Variants in IGFL2 observed in about 807,000 individuals in gnomAD.
IGFL2 encodes IGF like family member 2, also known as insulin growth factor-like family member 2.
In IGFL2, 7 loss-of-function variants were observed where a neutral mutation model predicts 13.9. The ratio of observed to expected loss-of-function variants is 0.51; its 90% CI spans 0.29 to 0.95. The LOEUF is 0.95. Among genes scored for constraint, IGFL2 ranks in the 40% least tolerant of loss-of-function variants. The pLI, the probability that IGFL2 is intolerant of heterozygous loss-of-function variation, is 0.08. For synonymous variants in IGFL2, 55 were observed against 55.8 expected (o/e 0.99, Z 0.07); for missense variants, 138 against 147.8 (o/e 0.93, Z 0.34).
At chr19:46,129,267 A>AT in the IGFL2 span, among the ~76,000 whole-genome samples, 1 of 126,430 alleles carries the variant, frequency 7.9e-6, no homozygotes, top group Non-Finnish European at 1.7e-5. Context: ...CTATTTTATT[A>AT]ATTTTTTTCA....
the IGFL2 span, chr19:46,136,923 A>G: frequency 8.2e-6 from 8 of 971,434 alleles, no homozygotes; most frequent in East Asian, 7.2e-5. Context: ...CTCTGGGCAC[A>G]TGAGAGAGGT....
At chr19:46,078,791 C>A in the IGFL2 span, among the ~76,000 whole-genome samples, 4 of 152,266 alleles carry the variant, frequency 2.6e-5, no homozygotes, top group Admixed American at 6.5e-5. Context: ...TGGAGAGCGG[C>A]GCCCACCTTG....
At chr19:46,127,531 G>A in the IGFL2 span, among the ~76,000 whole-genome samples, 4 of 152,254 alleles carry the variant, frequency 2.6e-5, no homozygotes, top group South Asian at 2.1e-4. Context: ...TTTAGGTCCC[G>A]GACAATTTTT....
chr19:46,129,307 T>TTTTG, the IGFL2 span, among the ~76,000 whole-genome samples: 789 of 137,052 alleles, frequency 5.8e-3, 10 homozygotes, highest in African/African-American at 0.021. Context: ...TGTTGATCTT[T>TTTTG]TGTGTGTGTG....
the IGFL2 span, among the ~76,000 whole-genome samples, chr19:46,187,828 T>C: frequency 6.6e-6 from 1 of 150,420 alleles, no homozygotes; most frequent in Non-Finnish European, 1.5e-5. Flanking sequence ...GTGTGCTACG[T>C]GCTACCTGAT....
At chr19:46,155,490 G>C (rs947081816) in intron 1 of IGFL2, among the ~76,000 whole-genome samples, 3 of 152,108 alleles carry the variant, frequency 2.0e-5, no homozygotes, top group African/African-American at 7.2e-5. Context: ...TTTATTTGCT[G>C]TATGCCCTTA....
At chr19:46,153,229 G>T (rs1253293349) in intron 1 of IGFL2, among the ~76,000 whole-genome samples, 1 of 152,186 alleles carries the variant, frequency 6.6e-6, no homozygotes, top group Non-Finnish European at 1.5e-5. Flanking sequence ...GTTTGTGAAT[G>T]ATTGGTATTA....
chr19:46,086,781 G>T, the IGFL2 span, among the ~76,000 whole-genome samples: 33 of 152,210 alleles, frequency 2.2e-4, no homozygotes, highest in South Asian at 1.0e-3. Flanking sequence ...CTCTCATGGG[G>T]AGGATTTTTT....
At chr19:46,094,927 C>T in the IGFL2 span, among the ~76,000 whole-genome samples, 2 of 152,122 alleles carry the variant, frequency 1.3e-5, no homozygotes, top group African/African-American at 2.4e-5. Context: ...TCTAGTCTAT[C>T]GTTGATGGGC....
At chr19:46,185,986 C>T in the IGFL2 span, among the ~76,000 whole-genome samples, 1 of 152,126 alleles carries the variant, frequency 6.6e-6, no homozygotes, top group Non-Finnish European at 1.5e-5. Context: ...GCCCGGCCTC[C>T]GTCCCATCTG....
chr19:46,109,478 C>T, the IGFL2 span, among the ~76,000 whole-genome samples: 1 of 152,010 alleles, frequency 6.6e-6, no homozygotes, highest in African/African-American at 2.4e-5. Flanking sequence ...CCACACCCAG[C>T]TAATTTTTTT....
At chr19:46,084,153 G>C in the IGFL2 span, among the ~76,000 whole-genome samples, 1 of 152,220 alleles carries the variant, frequency 6.6e-6, no homozygotes, top group Non-Finnish European at 1.5e-5. Context: ...AGTTAGAAAA[G>C]ATACTTGATA....
At chr19:46,081,302 A>C in the IGFL2 span, among the ~76,000 whole-genome samples, 1 of 152,228 alleles carries the variant, frequency 6.6e-6, no homozygotes, top group Non-Finnish European at 1.5e-5. Flanking sequence ...TTTTAGACTT[A>C]CAAAGAAGTT....
the IGFL2 span, among the ~76,000 whole-genome samples, chr19:46,175,094 A>C: frequency 6.6e-6 from 1 of 152,222 alleles, no homozygotes; most frequent in African/African-American, 2.4e-5. Context: ...CTTGGTCTAT[A>C]TATTCCTCCC....
chr19:46,156,349 G>A (rs1024747959), intron 1 of IGFL2, among the ~76,000 whole-genome samples: 1 of 151,988 alleles, frequency 6.6e-6, no homozygotes, highest in Non-Finnish European at 1.5e-5. Flanking sequence ...TTTAATTCTA[G>A]GTATTTGTTA....
the IGFL2 span, among the ~76,000 whole-genome samples, chr19:46,121,565 CAA>C: frequency 1.3e-5 from 2 of 150,036 alleles, no homozygotes; most frequent in African/African-American, 2.5e-5. Flanking sequence ...AATTATGAGA[CAA>C]AGACAAGAAG....
chr19:46,172,406 G>A, the IGFL2 span, among the ~76,000 whole-genome samples: 2 of 152,194 alleles, frequency 1.3e-5, no homozygotes, highest in Non-Finnish European at 1.5e-5. Flanking sequence ...TCATGAAGAC[G>A]TGAGTAACTT....
At chr19:46,176,441 CAG>C in the IGFL2 span, among the ~76,000 whole-genome samples, 6 of 152,142 alleles carry the variant, frequency 3.9e-5, no homozygotes, top group Non-Finnish European at 7.3e-5. Flanking sequence ...TGCAGGAAAA[CAG>C]TGAGAGAGAA....
chr19:46,185,373 G>A, the IGFL2 span, among the ~76,000 whole-genome samples: 2 of 152,232 alleles, frequency 1.3e-5, no homozygotes, highest in East Asian at 1.9e-4. Flanking sequence ...AAGGGCCACT[G>A]TGGGTGCTCA....
Sources: allele counts gnomAD v4.1 joint callset (sites outside exome capture counted in the v4.1 genomes callset), GRCh38; gene constraint gnomAD v4.1.1; transcripts MANE v1.5; gene names NCBI Gene and HGNC (gene_info 2026-07-23, HGNC 2026-07-21).